SP4: variants seen among roughly 807,000 people sequenced by gnomAD.
SP4 encodes the protein Sp4 transcription factor.
Under a neutral mutation model 72.8 loss-of-function variants are expected in SP4, and 19 were observed. The ratio of observed to expected loss-of-function variants is 0.26; its 90% CI spans 0.18 to 0.38. The LOEUF is 0.38. Ranked by LOEUF, SP4 falls within the 10% of genes least tolerant of loss-of-function variation. SP4 has a pLI of 1.00. For synonymous variants in SP4, 395 were observed against 333.1 expected, an observed-to-expected ratio of 1.19 and a Z score of -2.02; for missense variants, 1,008 against 926.3, an observed-to-expected ratio of 1.09 and a Z score of -1.14.
chr7:21,437,274 A>G lies in SP4; in HGVS notation c.1678+6431A>G, dbSNP rs542133753. Among the ~76,000 whole-genome samples, 25 of 152,320 alleles carry G rather than the reference A, an allele frequency of 1.6e-4. 1 individual carries two copies. In the East Asian group the frequency reaches 3.5e-3, roughly 21 times the overall value. On this transcript the variant is annotated intron_variant, in intron 3 of 5. Coordinates refer to ENST00000222584, the MANE Select transcript of SP4 (RefSeq NM_003112.5). ...AACCGAGGAATCACTGGGAGCCACT[A>G]TGGGTTCACTAAGAAACTAGGTTCA...
rs1784889251 is a variant in SP4 at position 21,488,642 on chromosome 7, C to T, written c.2107+6519C>T. Reference sequence around the variant, plus strand: ...AGGTGCAGTAGTGCACACCTATAGTCCCAGCTACTCAGGAGGCTGAGGCGG... The same window carrying T: ...AGGTGCAGTAGTGCACACCTATAGTTCCAGCTACTCAGGAGGCTGAGGCGG... On this transcript the variant is annotated intron_variant, in intron 5 of 5. Coordinates refer to ENST00000222584, the MANE Select transcript of SP4 (RefSeq NM_003112.5). Among the ~76,000 whole-genome samples, 2 of 151,976 alleles carry T rather than the reference C, an allele frequency of 1.3e-5. 1 individual carries two copies. The highest frequency in any genetic ancestry group is 1.3e-4 in the Admixed American group (2 of 15,264).
chr7:21,433,930 C>T (rs1782959122), intron 3 of SP4, among the ~76,000 whole-genome samples: 1 of 150,766 alleles, frequency 6.6e-6, no homozygotes, highest in African/African-American at 2.4e-5. Flanking sequence ...GCAACAAGAA[C>T]GAAACTCCAT....
chr7:21,495,703 T>C (rs1227716300), intron 5 of SP4, among the ~76,000 whole-genome samples: 1 of 152,190 alleles, frequency 6.6e-6, no homozygotes, highest in Non-Finnish European at 1.5e-5. Context: ...CATTTTCTTA[T>C]AAACATGCAA....
chr7:21,466,555 C>T (rs563877294), intron 3 of SP4, among the ~76,000 whole-genome samples: 3 of 152,124 alleles, frequency 2.0e-5, no homozygotes, highest in Non-Finnish European at 2.9e-5. Flanking sequence ...TAAACTGTTG[C>T]GCCTGTTCAG....
rs1344576135 is a variant in SP4 at position 21,428,238 on chromosome 7, C to A, written c.-14C>A. ...CCAGTGTCTCCGTCTGAGGGTTTGTCCTGTTAATGCGGGATGAGCGGTACG... is the reference window on the plus strand; with the variant it reads ...CCAGTGTCTCCGTCTGAGGGTTTGTACTGTTAATGCGGGATGAGCGGTACG... On this transcript the variant is annotated 5_prime_UTR_variant, in exon 1 of 6. Transcript: ENST00000222584. 13 of 1,240,826 alleles carry A rather than the reference C, an allele frequency of 1.0e-5. No individual in the cohort carries two copies. Among genetic ancestry groups the A allele is most frequent in the Non-Finnish European group, 1.4e-5 (13 of 942,244 alleles). 76.9% of individuals were successfully genotyped at this position (1,240,826 alleles called of 1,614,324 possible).
In SP4 at chr7:21,434,054, A is replaced by C. The variant is rs1356783501; in HGVS notation, c.1678+3211A>C. Among the ~76,000 whole-genome samples, 3 of 152,152 alleles carry C rather than the reference A, an allele frequency of 2.0e-5. No individual in the cohort carries two copies. In the East Asian group the frequency reaches 5.8e-4, roughly 29 times the overall value. ...TACCCATATCGCCCTTTTATAAATG[A>C]GCCCTGAAAGTTCAGATCTTTTACT... On this transcript the variant is annotated intron_variant, in intron 3 of 5. Coordinates refer to ENST00000222584, the MANE Select transcript of SP4 (RefSeq NM_003112.5).
chr7:21,509,488 G>C (rs1458368858), intron 5 of SP4, among the ~76,000 whole-genome samples: 1 of 148,792 alleles, frequency 6.7e-6, no homozygotes, highest in African/African-American at 2.5e-5. Flanking sequence ...TTTAATACTT[G>C]GTTTTAAATC....
chr7:21,448,018 A>G (rs771711450), intron 3 of SP4, among the ~76,000 whole-genome samples: 19 of 152,334 alleles, frequency 1.2e-4, no homozygotes, highest in South Asian at 2.1e-4. Context: ...ATAGGATTGC[A>G]TTAAAGTCAA....
intron 3 of SP4, among the ~76,000 whole-genome samples, chr7:21,460,299 G>A (rs987067683): frequency 6.6e-6 from 1 of 152,152 alleles, no homozygotes; most frequent in Non-Finnish European, 1.5e-5. Flanking sequence ...CTTTTGGTGG[G>A]TTTATGGTCT....
At chr7:21,447,177 G>A (rs888027605) in intron 3 of SP4, among the ~76,000 whole-genome samples, 8 of 152,184 alleles carry the variant, frequency 5.3e-5, no homozygotes, top group African/African-American at 7.2e-5. Context: ...AAGCCATAGT[G>A]TGTGATTGCT....
intron 4 of SP4, among the ~76,000 whole-genome samples, chr7:21,478,301 T>A (rs1219123909): frequency 6.6e-6 from 1 of 152,270 alleles, no homozygotes; most frequent in Non-Finnish European, 1.5e-5. Flanking sequence ...CACTGGCCGT[T>A]ATGAATAATA....
chr7:21,487,384 A>G (rs1334816552), intron 5 of SP4, among the ~76,000 whole-genome samples: 1 of 141,426 alleles, frequency 7.1e-6, no homozygotes, highest in Non-Finnish European at 1.5e-5. Flanking sequence ...CTGGGCTCTT[A>G]GTAGACATAT....
chr7:21,496,812 C>T (rs967718663), intron 5 of SP4, among the ~76,000 whole-genome samples: 4 of 152,302 alleles, frequency 2.6e-5, no homozygotes, highest in Non-Finnish European at 5.9e-5. Flanking sequence ...CTTCAGCACT[C>T]AGCCAGTCAT....
intron 5 of SP4, among the ~76,000 whole-genome samples, chr7:21,500,833 C>A (rs569453116): frequency 6.6e-6 from 1 of 152,280 alleles, no homozygotes; most frequent in South Asian, 2.1e-4. Flanking sequence ...TATTAAGCTC[C>A]ATAACTTTAG....
chr7:21,467,173 A>G (rs925501858), intron 3 of SP4, among the ~76,000 whole-genome samples: 14 of 152,014 alleles, frequency 9.2e-5, no homozygotes, highest in Non-Finnish European at 1.8e-4. Flanking sequence ...GCCTCTACTC[A>G]CTATATACCA....
In SP4 at chr7:21,511,480, T is replaced by C; in HGVS notation, c.*211T>C. The C allele has an allele frequency of 1.9e-6, 1 of 533,634 alleles. No individual in the cohort carries two copies. Among genetic ancestry groups the C allele is most frequent in the South Asian group, 2.5e-5 (1 of 40,792 alleles). 33.1% of individuals were successfully genotyped at this position (533,634 alleles called of 1,614,324 possible). A position where few individuals can be genotyped will look rare whatever the true frequency, so the allele number is the denominator to read the frequency against. On this transcript the variant is annotated 3_prime_UTR_variant, in exon 6 of 6. Transcript: ENST00000222584. ...TGATGTACTGGAAACAGAAAAGTAT[T>C]TCCTCCATACTATAAGTTGTAGTTG...
At chr7:21,495,720 T>C (rs1347491358) in intron 5 of SP4, among the ~76,000 whole-genome samples, 2 of 152,194 alleles carry the variant, frequency 1.3e-5, no homozygotes, top group African/African-American at 4.8e-5. Context: ...GCAATTACCA[T>C]ATGATCTAGC....
chr7:21,431,177 C>A (rs1052663966), intron 3 of SP4, among the ~76,000 whole-genome samples: 2 of 152,214 alleles, frequency 1.3e-5, no homozygotes, highest in East Asian at 3.9e-4. Flanking sequence ...GAACCCTAGT[C>A]GAAATGATAT....
chr7:21,491,010 G>T (rs1282279905), intron 5 of SP4, among the ~76,000 whole-genome samples: 1 of 152,170 alleles, frequency 6.6e-6, no homozygotes, highest in Non-Finnish European at 1.5e-5. Context: ...CCGGGATACA[G>T]TCCAAAATTA....
Sources: allele counts gnomAD v4.1 joint callset (sites outside exome capture counted in the v4.1 genomes callset), GRCh38; gene constraint gnomAD v4.1.1; transcripts MANE v1.5; gene names NCBI Gene and HGNC (gene_info 2026-07-23, HGNC 2026-07-21).